The following DLC1 variants were observed in gnomAD, a reference collection of about 807,000 sequenced individuals.
The protein encoded by DLC1 is DLC1 Rho GTPase activating protein.
A neutral mutation model predicts 140.3 loss-of-function variants in DLC1; 54 were observed. The observed-to-expected ratio is 0.38, with a 90% CI of 0.31 to 0.48. The LOEUF is 0.48. DLC1 is among the 20% of genes least tolerant of loss of function. DLC1 has a pLI of 0.96. For missense variants in DLC1, 2,536 were observed against 1,907.0 expected (o/e 1.33, Z -6.14); for synonymous variants, 986 against 728.1 (o/e 1.35, Z -5.70).
chr8:13,140,561 T>C (rs1409989396), intron 5 of DLC1, among the ~76,000 whole-genome samples: 1 of 152,088 alleles, frequency 6.6e-6, no homozygotes, highest in African/African-American at 2.4e-5. Context: ...GAAGCATTTT[T>C]GTCTTTGCTT....
intron 5 of DLC1, among the ~76,000 whole-genome samples, chr8:13,142,111 C>T (rs534902979): frequency 2.2e-4 from 34 of 152,298 alleles, no homozygotes; most frequent in African/African-American, 8.2e-4. Flanking sequence ...GCTCCTGCCG[C>T]CTTGTGAAGA....
At chr8:13,477,699 A>C (rs924665819) in intron 2 of DLC1, among the ~76,000 whole-genome samples, 1 of 152,184 alleles carries the variant, frequency 6.6e-6, no homozygotes, top group Non-Finnish European at 1.5e-5. Context: ...TCACTTCTAC[A>C]TGCTGAGATG....
intron 5 of DLC1, 136 bp downstream of exon 5, chr8:13,305,133 T>G (rs779841723): frequency 2.3e-5 from 31 of 1,354,908 alleles, no homozygotes; most frequent in Non-Finnish European, 3.0e-5. Flanking sequence ...CAAATTTCTT[T>G]TACAGAATTT....
chr8:13,506,849 C>T (rs563159686), intron 1 of DLC1, among the ~76,000 whole-genome samples: 10 of 152,054 alleles, frequency 6.6e-5, no homozygotes, highest in African/African-American at 2.4e-4. Flanking sequence ...ACATTTGGCA[C>T]ATTTTGTTGC....
intron 1 of DLC1, among the ~76,000 whole-genome samples, chr8:13,571,070 A>G (rs1362073667): frequency 6.6e-6 from 1 of 152,244 alleles, no homozygotes; most frequent in Non-Finnish European, 1.5e-5. Flanking sequence ...GGGGCTGAAT[A>G]TTGATGTTAC....
At chr8:13,359,830 C>T (rs1332585656) in intron 4 of DLC1, among the ~76,000 whole-genome samples, 1 of 152,110 alleles carries the variant, frequency 6.6e-6, no homozygotes, top group Non-Finnish European at 1.5e-5. Flanking sequence ...GTGATTGTAA[C>T]TTTGAACAGG....
intron 5 of DLC1, among the ~76,000 whole-genome samples, chr8:13,151,199 G>T (rs956236687): frequency 2.0e-5 from 3 of 152,172 alleles, no homozygotes; most frequent in Non-Finnish European, 4.4e-5. Context: ...TACATGGGAA[G>T]ACTCAGCATT....
chr8:13,131,028 T>C (rs78590160), intron 5 of DLC1, among the ~76,000 whole-genome samples: 2,184 of 152,278 alleles, frequency 0.014, 61 homozygotes, highest in African/African-American at 0.05. Context: ...TCTCAGAAAA[T>C]GTCTCAAAAT....
intron 5 of DLC1, among the ~76,000 whole-genome samples, chr8:13,198,117 T>A (rs1354610862): frequency 2.0e-5 from 3 of 151,334 alleles, no homozygotes; most frequent in African/African-American, 4.9e-5. Flanking sequence ...AAAAAAAAAA[T>A]TAAGTCAATT....
intron 1 of DLC1, chr8:13,568,103 T>A: frequency 2.5e-6 from 2 of 802,214 alleles, no homozygotes; most frequent in Non-Finnish European, 3.8e-6. Flanking sequence ...GGCACTGTTG[T>A]AGTTGGAATA....
At chr8:13,139,398 C>T (rs1822810154) in intron 5 of DLC1, among the ~76,000 whole-genome samples, 1 of 150,032 alleles carries the variant, frequency 6.7e-6, no homozygotes, top group Admixed American at 6.7e-5. Context: ...ATCTTTTAAA[C>T]CCCAACTATG....
chr8:13,142,186 G>C (rs997054922), intron 5 of DLC1, among the ~76,000 whole-genome samples: 13 of 152,188 alleles, frequency 8.5e-5, no homozygotes, highest in African/African-American at 3.1e-4. Flanking sequence ...CCCAGCGGTG[G>C]CGAACTGTGA....
chr8:13,585,291 TG>T (rs1805260992), intron 1 of DLC1, among the ~76,000 whole-genome samples: 1 of 152,234 alleles, frequency 6.6e-6, no homozygotes, highest in East Asian at 1.9e-4. Context: ...AGGCCTAGCA[TG>T]GTGGCTTACA....
In DLC1 at chr8:13,100,664, G is replaced by T. The variant is rs1380418184; in HGVS notation, c.1673C>A (p.Pro558Gln). ...SRLEEFDVFSPKQDLVPGSPD... is the reference protein window; with the variant it reads ...SRLEEFDVFSQKQDLVPGSPD... ...GGACCCAGGGACCAGGTCTTGTTTT[G>T]GAGAAAAGACATCAAACTCTTCAAG... The change falls in exon 9 of 18, where the codon CCA (proline) becomes CAA (glutamine). Residue 558 changes from proline to glutamine, a missense_variant. Coordinates refer to ENST00000276297, the MANE Select transcript of DLC1 (RefSeq NM_182643.3). 6.2e-7 allele frequency: 1 copy of T among 1,614,074 alleles called. No homozygotes were observed. The highest frequency in any genetic ancestry group is 8.5e-7 in the Non-Finnish European group (1 of 1,180,006).
At chr8:13,461,191 C>T (rs1799641318) in intron 2 of DLC1, among the ~76,000 whole-genome samples, 1 of 152,212 alleles carries the variant, frequency 6.6e-6, no homozygotes, top group African/African-American at 2.4e-5. Flanking sequence ...GCCTGGCGGA[C>T]AGAGCAAGAG....
At position 13,567,939 on chromosome 8, in the gene DLC1, T is replaced by C. The variant is rs756304478; in HGVS notation, c.-126+36598A>G. 44 of 1,546,708 alleles carry C rather than the reference T, an allele frequency of 2.8e-5. No homozygotes were observed. The highest frequency in any genetic ancestry group is 3.6e-5 in the Non-Finnish European group (41 of 1,144,680). ...TCAAACCAGAGCTGGTGATTGTTAA[T>C]GATAATGTGTAATGTGGATAGATGT... On this transcript the variant is annotated intron_variant, in intron 1 of 1. Transcript: ENST00000631382.
chr8:13,173,486 C>T (rs1327134216), intron 5 of DLC1, among the ~76,000 whole-genome samples: 3 of 151,810 alleles, frequency 2.0e-5, no homozygotes, highest in East Asian at 1.9e-4. Flanking sequence ...ATTCTCCTGC[C>T]TCAGCCTCCC....
intron 8 of DLC1, among the ~76,000 whole-genome samples, chr8:13,102,418 G>C (rs756206750): frequency 5.3e-5 from 8 of 151,990 alleles, no homozygotes; most frequent in Non-Finnish European, 8.8e-5. Flanking sequence ...CACAGTTATT[G>C]TTATATTTGG....
intron 5 of DLC1, among the ~76,000 whole-genome samples, chr8:13,211,347 G>A (rs1404633944): frequency 1.3e-5 from 2 of 152,030 alleles, no homozygotes; most frequent in African/African-American, 4.8e-5. Context: ...GCACCGTTTT[G>A]CTGTACTCTG....
Sources: gnomAD v4.1 joint callset for allele counts (sites outside exome capture counted in the v4.1 genomes callset) on GRCh38, gnomAD v4.1.1 for gene constraint, MANE v1.5 for transcripts, NCBI Gene and HGNC (gene_info 2026-07-23, HGNC 2026-07-21) for gene names.